Variants in NFIX observed in about 807,000 individuals in gnomAD.
NFIX encodes the protein nuclear factor 1 X-type.
In NFIX, 2 loss-of-function variants were observed where a neutral mutation model predicts 53.3. That is an observed-to-expected ratio of 0.04 (90% CI 0.02 to 0.12). The LOEUF (loss-of-function observed/expected upper bound fraction) is 0.12. Ranked by LOEUF, NFIX falls within the 10% of genes least tolerant of loss-of-function variation. NFIX has a pLI of 1.00. For missense variants in NFIX, 310 were observed against 674.5 expected, an observed-to-expected ratio of 0.46 and a Z score of 5.99; for synonymous variants, 244 against 289.0, an observed-to-expected ratio of 0.84 and a Z score of 1.58.
At chr19:13,024,844 CT>C in intron 1 of NFIX, 176 bp from the exon 2 acceptor site, 1 of 1,326,908 alleles carries the variant, frequency 7.5e-7, no homozygotes, top group Non-Finnish European at 1.0e-6. Context: ...TCAAACCACA[CT>C]TTCGTAGAAC....
intron 1 of NFIX, chr19:13,023,937 T>G: frequency 1.2e-5 from 3 of 247,748 alleles, no homozygotes; most frequent in Non-Finnish European, 1.5e-5. Context: ...CTGCTCCTCC[T>G]CCTCCCCCCT....
In NFIX at chr19:13,049,963, G is replaced by A. The variant is rs2015229748; in HGVS notation, c.560-23084G>A. ...CATTTTGTTTATCCATTCATACATT[G>A]ATGGATATTTGGGCTCTTTCCACTT... On this transcript the variant is annotated intron_variant, in intron 2 of 10. Coordinates refer to ENST00000592199, the MANE Select transcript of NFIX (RefSeq NM_001365902.3). The surrounding 1 kb of genome is among the most constrained non-coding windows in gnomAD (Gnocchi z 4.5). 6.6e-6 allele frequency among the ~76,000 whole-genome samples: 1 copy of A among 152,206 alleles called. No individual in the cohort carries two copies. Among genetic ancestry groups the A allele is most frequent in the South Asian group, 2.1e-4 (1 of 4,830 alleles).
rs2014760842 is a variant in NFIX at position 13,043,283 on chromosome 19, A to C, written c.559+17731A>C. Among the ~76,000 whole-genome samples, 1 of 152,190 alleles carries C rather than the reference A, an allele frequency of 6.6e-6. No homozygotes were observed. Among genetic ancestry groups the C allele is most frequent in the South Asian group, 2.1e-4 (1 of 4,830 alleles). ...GCCTCTGCAGCCACTTCCTGTTAGCACTGCTAGAAGGGGAGGGACCCTTGG... is the reference window on the plus strand; with the variant it reads ...GCCTCTGCAGCCACTTCCTGTTAGCCCTGCTAGAAGGGGAGGGACCCTTGG... On this transcript the variant is annotated intron_variant, in intron 2 of 10. Coordinates refer to ENST00000592199, the MANE Select transcript of NFIX (RefSeq NM_001365902.3). This position sits in a 1 kb window ranked among gnomAD's most constrained non-coding sequence, Gnocchi z 4.0.
intron 5 of NFIX, among the ~76,000 whole-genome samples, chr19:13,075,268 C>T (rs2017023575): frequency 6.6e-6 from 1 of 152,068 alleles, no homozygotes; most frequent in Non-Finnish European, 1.5e-5. Flanking sequence ...TTGCCGACTT[C>T]TCTGATGTGG....
rs1270207457 is a variant in NFIX, at chr19:13,083,126, G to A, written c.1254+1271G>A. On this transcript the variant is annotated intron_variant, in intron 8 of 10. Transcript: ENST00000592199. ...GACTCTGCAGCTCCTTAGCATACTGGTAGCTTCGCCCACCTCTCTCTGGAC... is the reference window on the plus strand; with the variant it reads ...GACTCTGCAGCTCCTTAGCATACTGATAGCTTCGCCCACCTCTCTCTGGAC... Among the ~76,000 whole-genome samples the A allele has an allele frequency of 2.0e-5, 3 of 152,126 alleles. No individual in the cohort carries two copies. The East Asian group carries it at 5.8e-4, about 29-fold the overall frequency.
chr19:12,999,233 G>C (rs2145126233), intron 1 of NFIX, among the ~76,000 whole-genome samples: 1 of 151,628 alleles, frequency 6.6e-6, no homozygotes, highest in East Asian at 1.9e-4. Flanking sequence ...GAGTGCAGTG[G>C]CGTGATCTCG....
At chr19:13,015,057 C>T (rs1450980368) in intron 1 of NFIX, among the ~76,000 whole-genome samples, 1 of 152,184 alleles carries the variant, frequency 6.6e-6, no homozygotes, top group Non-Finnish European at 1.5e-5. Flanking sequence ...TGTGAAGTGC[C>T]TTTGAGGTGC....
chr19:13,063,078 GAGC>G (rs2145380387), intron 2 of NFIX, among the ~76,000 whole-genome samples: 1 of 152,336 alleles, frequency 6.6e-6, no homozygotes, highest in East Asian at 1.9e-4. Flanking sequence ...GCCAGAAAGA[GAGC>G]AGGGGGCAGA....
At position 13,075,689 on chromosome 19, in the gene NFIX, C is replaced by A. The variant is rs763854981; in HGVS notation, c.955+18C>A. The A allele has an allele frequency of 6.2e-7, 1 of 1,609,908 alleles. No individual in the cohort carries two copies. The highest frequency in any genetic ancestry group is 1.3e-5 in the African/African-American group (1 of 74,986). On this transcript the variant is annotated intron_variant, in intron 6 of 10. Coordinates refer to ENST00000592199, the MANE Select transcript of NFIX (RefSeq NM_001365902.3). ...GGATGCAGGTATGGGTGCGGGGGAT[C>A]CTGACCCAGAGCAAGGGCAGCCCAG...
rs538372939 is a variant in NFIX, at chr19:13,068,308, A to C, written c.560-4739A>C. Among the ~76,000 whole-genome samples, 1 of 152,128 alleles carries C rather than the reference A, an allele frequency of 6.6e-6. No individual in the cohort carries two copies. Reference sequence around the variant, plus strand: ...GGTGCTGAAGAGGTGAGGGGGAGGCAAAGGAAGGACAGAGGGAGGGGAGCC... The same window carrying C: ...GGTGCTGAAGAGGTGAGGGGGAGGCCAAGGAAGGACAGAGGGAGGGGAGCC... On this transcript the variant is annotated intron_variant, in intron 2 of 10. Transcript: ENST00000592199. The surrounding 1 kb of genome is among the most constrained non-coding windows in gnomAD (Gnocchi z 4.2).
At chr19:13,062,935 C>T (rs1237573168) in intron 2 of NFIX, among the ~76,000 whole-genome samples, 1 of 152,216 alleles carries the variant, frequency 6.6e-6, no homozygotes, top group East Asian at 1.9e-4. Flanking sequence ...CTAACTCCCA[C>T]TTCCCCTTCC....
intron 2 of NFIX, among the ~76,000 whole-genome samples, chr19:13,050,226 A>G (rs2015245359): frequency 6.6e-6 from 1 of 152,172 alleles, no homozygotes; most frequent in East Asian, 1.9e-4. Flanking sequence ...CCTATACTGC[A>G]TATTCCAGCA....
At position 13,051,328 on chromosome 19, in the gene NFIX, A is replaced by G. The variant is rs753367493; in HGVS notation, c.560-21719A>G. Among the ~76,000 whole-genome samples the G allele has an allele frequency of 9.9e-5, 15 of 152,212 alleles. No individual in the cohort carries two copies. The highest frequency in any genetic ancestry group is 1.9e-4 in the Non-Finnish European group (13 of 68,000). ...CACATCACGGTGCTGCCAAAGACTC[A>G]AGGAGGAAGAGGGGTGTGTCTGGCC... On this transcript the variant is annotated intron_variant, in intron 2 of 10. Transcript: ENST00000592199. The surrounding 1 kb of genome is among the most constrained non-coding windows in gnomAD (Gnocchi z 5.1).
chr19:13,017,881 C>G lies in NFIX; in HGVS notation c.28-7140C>G, dbSNP rs1008600352. Among the ~76,000 whole-genome samples the G allele has an allele frequency of 7.9e-5, 12 of 152,198 alleles. 1 individual carries two copies. The highest frequency in any genetic ancestry group is 4.1e-4 in the South Asian group (2 of 4,830). On this transcript the variant is annotated intron_variant, in intron 1 of 10. Coordinates refer to ENST00000592199, the MANE Select transcript of NFIX (RefSeq NM_001365902.3). ...TCCCTCTTCCCGGGCCCTTGGCCAC[C>G]ATGAAGTGACACTTCCCAAGCCGGT...
At chr19:13,038,600 A>T (rs2014376883) in intron 2 of NFIX, among the ~76,000 whole-genome samples, 2 of 152,274 alleles carry the variant, frequency 1.3e-5, no homozygotes, top group Non-Finnish European at 2.9e-5. Flanking sequence ...GTTTCCGTTT[A>T]GCCCGGCATA....
chr19:13,038,933 G>A (rs2014409186), intron 2 of NFIX, among the ~76,000 whole-genome samples: 1 of 152,210 alleles, frequency 6.6e-6, no homozygotes, highest in South Asian at 2.1e-4. Flanking sequence ...AATAAGCGTG[G>A]ATGGGGAGGA....
rs953460608 is a variant in NFIX at position 12,998,506 on chromosome 19, GC to G, written c.27+2644del. 3.3e-5 allele frequency among the ~76,000 whole-genome samples: 5 copies of G among 152,186 alleles called. No individual in the cohort carries two copies. The highest frequency in any genetic ancestry group is 3.4e-3 in the Middle Eastern group (1 of 294). ...AGAAAAAGCATCGAAATTCAGGGCGGCCGGGTGGGGCGGTTCCTGGAGCTGC... is the reference window on the plus strand; with the variant it reads ...AGAAAAAGCATCGAAATTCAGGGCGGCGGGTGGGGCGGTTCCTGGAGCTGC... On this transcript the variant is annotated intron_variant, in intron 1 of 10. Transcript: ENST00000592199. This position sits in a 1 kb window ranked among gnomAD's most constrained non-coding sequence, Gnocchi z 4.4.
rs1388626059 is a variant in NFIX, at chr19:13,094,972, CT to C, written c.*324del. On this transcript the variant is annotated 3_prime_UTR_variant, in exon 11 of 11. Coordinates refer to ENST00000592199, the MANE Select transcript of NFIX (RefSeq NM_001365902.3). The surrounding 1 kb of genome is among the most constrained non-coding windows in gnomAD (Gnocchi z 4.3). Reference sequence around the variant, plus strand: ...AGGATGCAGAACTGCCTTCCTCCCCCTGACCCCGCCCCGGCCTTCTGGGGAA... The same window carrying C: ...AGGATGCAGAACTGCCTTCCTCCCCCGACCCCGCCCCGGCCTTCTGGGGAA... 4.6e-5 allele frequency: 15 copies of C among 327,122 alleles called. No homozygotes were observed. The South Asian group carries it at 5.6e-4, about 12-fold the overall frequency. The allele number at this position is 327,122 out of a possible 1,614,324, so 20.3% of individuals were successfully genotyped here.
At chr19:12,999,448 A>G (rs527719153) in intron 1 of NFIX, among the ~76,000 whole-genome samples, 1 of 151,974 alleles carries the variant, frequency 6.6e-6, no homozygotes, top group Non-Finnish European at 1.5e-5. Flanking sequence ...CTGGGATTAC[A>G]GGCATGAGCC....
Sources: gnomAD v4.1 joint callset for allele counts (sites outside exome capture counted in the v4.1 genomes callset) on GRCh38, gnomAD v4.1.1 for gene constraint, Gnocchi (gnomAD v3.1) non-coding constraint, MANE v1.5 for transcripts, NCBI Gene and HGNC (gene_info 2026-07-23, HGNC 2026-07-21) for gene names.